Variants in ETS2 observed in about 807,000 individuals in gnomAD.
The protein encoded by ETS2 is protein C-ets-2.
In ETS2, 19 loss-of-function variants were observed where a neutral mutation model predicts 54.9. The ratio of observed to expected loss-of-function variants is 0.35; its 90% CI spans 0.24 to 0.51. The LOEUF is 0.51. Ranked by LOEUF, ETS2 falls within the 20% of genes least tolerant of loss-of-function variation. The probability of loss-of-function intolerance (pLI) is 0.97; values close to 1 mark genes in which losing one functional copy is unlikely to be tolerated. For missense variants in ETS2, 417 were observed against 593.0 expected (o/e 0.70, Z 3.08); for synonymous variants, 219 against 229.3 (o/e 0.95, Z 0.41).
rs775683010 is a variant in ETS2, at chr21:38,814,858, A to T, written c.382A>T (p.Asn128Tyr). 3 of 1,614,190 alleles carry T rather than the reference A, an allele frequency of 1.9e-6. No homozygotes were observed. The South Asian group carries it at 3.3e-5, about 18-fold the overall frequency. Residue 128 changes from asparagine to tyrosine, a missense_variant, in exon 5 of 10, where the codon AAT becomes TAT. Transcript: ENST00000360938. The surrounding 1 kb of genome is among the most constrained non-coding windows in gnomAD (Gnocchi z 4.2). ...CAATGAGTTCAGTCTGGTGAACGTG[A>T]ATCTGCAGAGGTTCGGCATGAATGG... ...ATNEFSLVNV[N>Y]LQRFGMNGQM...
chr21:38,815,473 C>T (rs971968546), intron 5 of ETS2, among the ~76,000 whole-genome samples: 62 of 151,998 alleles, frequency 4.1e-4, no homozygotes, highest in African/African-American at 8.7e-4. Flanking sequence ...GTTGAGGGGG[C>T]GGGGTCTGTT....
intron 5 of ETS2, among the ~76,000 whole-genome samples, chr21:38,815,979 GA>G (rs1209724974): frequency 0.056 from 3 of 54 alleles, no homozygotes; most frequent in African/African-American, 0.25. Flanking sequence ...AGGAAGGAAG[GA>G]AGGAAGGAAG....
chr21:38,814,445 C>T lies in ETS2; in HGVS notation c.304+53C>T. On this transcript the variant is annotated intron_variant, in intron 4 of 9. Transcript: ENST00000360938. This position sits in a 1 kb window ranked among gnomAD's most constrained non-coding sequence, Gnocchi z 4.2. ...TGGGTGAGAAGAACCAACTTCAGTGCAGTTGTTTGATCTTGACTTGTTTAT... is the reference window on the plus strand; with the variant it reads ...TGGGTGAGAAGAACCAACTTCAGTGTAGTTGTTTGATCTTGACTTGTTTAT... The T allele has an allele frequency of 6.2e-7, 1 of 1,602,364 alleles. No homozygotes were observed. Among genetic ancestry groups the T allele is most frequent in the South Asian group, 1.1e-5 (1 of 90,190 alleles).
intron 1 of ETS2, chr21:38,809,635 G>A (rs193290171): frequency 2.2e-4 from 39 of 174,492 alleles, no homozygotes; most frequent in African/African-American, 6.2e-4. Flanking sequence ...GACAGGAGGC[G>A]GCCCACTGCC....
rs73903617 is a variant in ETS2 at position 38,821,335 on chromosome 21, C to T, written c.1076-251C>T. ...AGCAATCAAGGGGAAGAGTGTCTCGCCTAGTGACCTTATTTTCTAGGAGTA... is the reference window on the plus strand; with the variant it reads ...AGCAATCAAGGGGAAGAGTGTCTCGTCTAGTGACCTTATTTTCTAGGAGTA... On this transcript the variant is annotated intron_variant, in intron 8 of 9. Transcript: ENST00000360938. The surrounding 1 kb of genome is among the most constrained non-coding windows in gnomAD (Gnocchi z 4.2). Among the ~76,000 whole-genome samples, 2,514 of 152,128 alleles carry T rather than the reference C, an allele frequency of 0.017. 76 individuals are homozygous for T. The highest frequency in any genetic ancestry group is 0.056 in the African/African-American group (2,318 of 41,488).
rs1281772138 is a variant in ETS2 at position 38,814,367 on chromosome 21, A to G, written c.279A>G (p.Glu93=). Residue 93 remains glutamate, a synonymous_variant, in exon 4 of 10, where the codon GAA becomes GAG. Coordinates refer to ENST00000360938, the MANE Select transcript of ETS2 (RefSeq NM_005239.6). This position sits in a 1 kb window ranked among gnomAD's most constrained non-coding sequence, Gnocchi z 4.2. ...LKATFSGFKK[E]QRRLGIPKNP... is the part of the protein sequence containing the mutation. ...CTACCTTCAGTGGCTTCAAAAAGGA[A>G]CAGCGGCGCCTGGGCATTCCAAAGA... 6.2e-7 allele frequency: 1 copy of G among 1,614,022 alleles called. No individual in the cohort carries two copies. The highest frequency in any genetic ancestry group is 8.5e-7 in the Non-Finnish European group (1 of 1,180,028).
At position 38,821,635 on chromosome 21, in the gene ETS2, C is replaced by G; in HGVS notation, c.1125C>G (p.Asp375Glu). The G allele has an allele frequency of 1.9e-6, 3 of 1,614,200 alleles. No individual in the cohort carries two copies. The highest frequency in any genetic ancestry group is 2.5e-6 in the Non-Finnish European group (3 of 1,180,022). Residue 375 changes from aspartate to glutamate, a missense_variant, in exon 9 of 10, where the codon GAC (aspartate) becomes GAG (glutamate). Physicochemically the swap from Asp to Glu is conservative, Grantham distance 45 (BLOSUM62 2). Transcript: ENST00000360938. The surrounding 1 kb of genome is among the most constrained non-coding windows in gnomAD (Gnocchi z 4.2). ...AGTTTCTCCTGGAGCTGCTATCAGACAAATCCTGCCAGTCATTCATCAGCT... is the reference window on the plus strand; with the variant it reads ...AGTTTCTCCTGGAGCTGCTATCAGAGAAATCCTGCCAGTCATTCATCAGCT... The part of the protein sequence containing the change: ...LWQFLLELLS[D>E]KSCQSFISWT...
In ETS2 at chr21:38,821,643, G is replaced by C. The variant is rs764200775; in HGVS notation, c.1133G>C (p.Cys378Ser). 6.2e-7 allele frequency: 1 copy of C among 1,614,198 alleles called. No homozygotes were observed. Among genetic ancestry groups the C allele is most frequent in the South Asian group, 1.1e-5 (1 of 91,084 alleles). The change falls in exon 9 of 10, where the codon TGC (cysteine) becomes TCC (serine). Residue 378 changes from cysteine to serine, a missense_variant. By Grantham distance (112) the Cys-to-Ser change is moderately radical. Transcript: ENST00000360938. This position sits in a 1 kb window ranked among gnomAD's most constrained non-coding sequence, Gnocchi z 4.2. ...CTGGAGCTGCTATCAGACAAATCCT[G>C]CCAGTCATTCATCAGCTGGACTGGA... ...FLLELLSDKS[C>S]QSFISWTGDG...
At chr21:38,818,311 G>A in intron 6 of ETS2, 114 bp from the exon 7 acceptor site, 1 of 1,426,456 alleles carries the variant, frequency 7.0e-7, no homozygotes, top group South Asian at 1.2e-5. Flanking sequence ...TCTCCACTGA[G>A]GTTCTGCAGA....
intron 6 of ETS2, 128 bp from the exon 7 acceptor site, chr21:38,818,297 C>T (rs572228891): frequency 5.6e-5 from 71 of 1,263,608 alleles, no homozygotes; most frequent in African/African-American, 4.0e-4. Context: ...CACCAAAGCC[C>T]GGGTCTCCAC....
chr21:38,815,849 A>G (rs186223267), intron 5 of ETS2, among the ~76,000 whole-genome samples: 83 of 150,108 alleles, frequency 5.5e-4, no homozygotes, highest in Non-Finnish European at 9.9e-4. Flanking sequence ...CTGAGGCAGG[A>G]GAATCCCTTG....
At chr21:38,816,150 AT>A (rs1355365402) in intron 5 of ETS2, among the ~76,000 whole-genome samples, 1 of 151,152 alleles carries the variant, frequency 6.6e-6, no homozygotes. Context: ...GGTTAAAAAA[AT>A]ATAAGAAAAT....
In ETS2 at chr21:38,814,868, G is replaced by A; in HGVS notation, c.392G>A (p.Arg131Lys). The A allele has an allele frequency of 1.9e-6, 3 of 1,614,244 alleles. No individual in the cohort carries two copies. The highest frequency in any genetic ancestry group is 8.5e-7 in the Non-Finnish European group (1 of 1,180,042). The change falls in exon 5 of 10, where the codon AGG becomes AAG. Residue 131 changes from arginine to lysine, a missense_variant. This residue lies in a region of ETS2 where 326 missense variants were observed against 426.1 expected (regional missense o/e 0.76). Transcript: ENST00000360938. The surrounding 1 kb of genome is among the most constrained non-coding windows in gnomAD (Gnocchi z 4.2). ...EFSLVNVNLQ[R>K]FGMNGQMLCN... ...AGTCTGGTGAACGTGAATCTGCAGA[G>A]GTTCGGCATGAATGGCCAGATGCTG...
chr21:38,814,163 G>A lies in ETS2; in HGVS notation c.185-110G>A. On this transcript the variant is annotated intron_variant, in intron 3 of 9. Transcript: ENST00000360938. This position sits in a 1 kb window ranked among gnomAD's most constrained non-coding sequence, Gnocchi z 4.2. ...ACACTGTTTTAAGGAATCATGCCAA[G>A]GTTTGAGATCAAAATTGTTCTTTTC... is the stretch of plus-strand genomic sequence containing the variant. 2 of 1,119,070 alleles carry A rather than the reference G, an allele frequency of 1.8e-6. No individual in the cohort carries two copies. Among genetic ancestry groups the A allele is most frequent in the African/African-American group, 1.6e-5 (1 of 63,990 alleles). The allele number at this position is 1,119,070 out of a possible 1,614,324, so 69.3% of individuals were successfully genotyped here.
Position 38,818,501 on chromosome 21 carries a change from T to C in ETS2, c.666T>C (p.Cys222=). 6.2e-7 allele frequency: 1 copy of C among 1,614,156 alleles called. No individual in the cohort carries two copies. ...YPKGGLLDSM[C]PASTPSVLSS... ...AAGGCGGCCTCCTGGACAGCATGTGTCCGGCCTCCACACCCAGCGTACTCA... is the reference window on the plus strand; with the variant it reads ...AAGGCGGCCTCCTGGACAGCATGTGCCCGGCCTCCACACCCAGCGTACTCA... The change falls in exon 7 of 10, where the codon TGT becomes TGC. Residue 222 remains cysteine, a synonymous_variant. Transcript: ENST00000360938.
At position 38,806,238 on chromosome 21, in the gene ETS2, G is replaced by C; in HGVS notation, c.-1+118G>C. The C allele has an allele frequency of 1.0e-6, 1 of 984,552 alleles. No homozygotes were observed. Among genetic ancestry groups the C allele is most frequent in the Non-Finnish European group, 1.2e-6 (1 of 827,660 alleles). 61.0% of individuals were successfully genotyped at this position (984,552 alleles called of 1,614,324 possible). A position where few individuals can be genotyped will look rare whatever the true frequency, so the allele number is the denominator to read the frequency against. ...ACACGCAGATCTCGGGGCGCTGCCG[G>C]GGGTGCAGGTGGGGGTGGCGGCTGC... On this transcript the variant is annotated intron_variant, in intron 1 of 9. Coordinates refer to ENST00000360938, the MANE Select transcript of ETS2 (RefSeq NM_005239.6). This position sits in a 1 kb window ranked among gnomAD's most constrained non-coding sequence, Gnocchi z 4.3.
chr21:38,807,124 TAGCGC>T (rs1419895316), intron 1 of ETS2, among the ~76,000 whole-genome samples: 1 of 152,222 alleles, frequency 6.6e-6, no homozygotes, highest in Non-Finnish European at 1.5e-5. Context: ...TTCTGAGTAG[TAGCGC>T]AGCACAGTAA....
chr21:38,809,856 A>G, intron 1 of ETS2, 179 bp from the exon 2 acceptor site: 2 of 539,010 alleles, frequency 3.7e-6, no homozygotes, highest in South Asian at 2.5e-5. Flanking sequence ...TGATACTGAG[A>G]AATGCTTTCC....
intron 9 of ETS2, 46 bp from the exon 10 acceptor site, chr21:38,822,628 C>T: frequency 6.7e-7 from 1 of 1,498,144 alleles, no homozygotes; most frequent in Non-Finnish European, 9.2e-7. Flanking sequence ...ACTTTTTCTT[C>T]ATTGACAAAT....
Sources: gnomAD v4.1 joint callset for allele counts (sites outside exome capture counted in the v4.1 genomes callset) on GRCh38, gnomAD v4.1.1 for gene constraint, gnomAD v4.1.1 regional missense constraint, Gnocchi (gnomAD v3.1) non-coding constraint, MANE v1.5 for transcripts, NCBI Gene and HGNC (gene_info 2026-07-23, HGNC 2026-07-21) for gene names.